Variants in TLN2 observed in about 807,000 individuals in gnomAD.
TLN2 encodes the protein talin 2, also known as talin-2.
A neutral mutation model predicts 294.7 loss-of-function variants in TLN2; 118 were observed. That is an observed-to-expected ratio of 0.40 (90% CI 0.34 to 0.47). The LOEUF (loss-of-function observed/expected upper bound fraction) is 0.47. Ranked by LOEUF, TLN2 falls within the 20% of genes least tolerant of loss-of-function variation. TLN2 has a pLI of 0.84. For missense variants in TLN2, 3,083 were observed against 3,282.2 expected (o/e 0.94, Z 1.48); for synonymous variants, 1,431 against 1,304.5 (o/e 1.10, Z -2.09).
At chr15:62,474,716 T>C (rs540589110) in intron 1 of TLN2, among the ~76,000 whole-genome samples, 100 of 152,324 alleles carry the variant, frequency 6.6e-4, no homozygotes, top group African/African-American at 2.3e-3. Context: ...TGTTGACGAT[T>C]CCTTGAAATA....
rs145889791 is a variant in TLN2, at chr15:62,446,281, C to T, written c.-238+55596C>T. Among the ~76,000 whole-genome samples, 976 of 152,308 alleles carry T rather than the reference C, an allele frequency of 6.4e-3. 6 individuals carry two copies. The highest frequency in any genetic ancestry group is 0.023 in the African/African-American group (943 of 41,570). ...GTGCTGGGATCACAGGTGCGAGCCA[C>T]CGCGCCCGGCTTAAGCTCTGTAGTC... On this transcript the variant is annotated intron_variant, in intron 1 of 58. Coordinates refer to ENST00000636159, the MANE Select transcript of TLN2 (RefSeq NM_015059.3).
At chr15:62,598,309 C>A (rs1218738979) in intron 2 of TLN2, among the ~76,000 whole-genome samples, 1 of 152,164 alleles carries the variant, frequency 6.6e-6, no homozygotes, top group African/African-American at 2.4e-5. Context: ...TGGGAAAAGA[C>A]TTCTCTGTCT....
chr15:62,752,274 T>C, intron 34 of TLN2, 31 bp from the exon 35 acceptor site: 1 of 1,612,766 alleles, frequency 6.2e-7, no homozygotes, highest in South Asian at 1.1e-5. Flanking sequence ...CAATGCTGGA[T>C]AGAGAATGTT....
chr15:62,786,509 TAAAAAA>T (rs1044770423), intron 45 of TLN2, among the ~76,000 whole-genome samples: 1 of 152,056 alleles, frequency 6.6e-6, no homozygotes, highest in African/African-American at 2.4e-5. Flanking sequence ...ATTTTCCCCT[TAAAAAA>T]AGAAGAAGAA....
chr15:62,781,324 G>T (rs2064147480), intron 44 of TLN2, 83 bp downstream of exon 44: 2 of 1,077,488 alleles, frequency 1.9e-6, no homozygotes, highest in African/African-American at 1.5e-5. Context: ...TCCCAGATCT[G>T]TGTCAGAGAG....
At chr15:62,486,131 G>A (rs2038377068) in intron 1 of TLN2, among the ~76,000 whole-genome samples, 1 of 152,124 alleles carries the variant, frequency 6.6e-6, no homozygotes, top group Admixed American at 6.6e-5. Flanking sequence ...CCATTTGAAA[G>A]TTGCACCATC....
intron 41 of TLN2, among the ~76,000 whole-genome samples, 184 bp downstream of exon 41, chr15:62,766,606 A>T (rs914051126): frequency 1.3e-5 from 2 of 152,214 alleles, no homozygotes; most frequent in Non-Finnish European, 2.9e-5. Context: ...AGAAATTATC[A>T]GTTCAGGATC....
At position 62,656,072 on chromosome 15, in the gene TLN2, T is replaced by C. The variant is rs1297999481; in HGVS notation, c.646T>C (p.Leu216=). The change falls in exon 8 of 59, where the codon TTG becomes CTG. Residue 216 remains leucine, a synonymous_variant. Coordinates refer to ENST00000636159, the MANE Select transcript of TLN2 (RefSeq NM_015059.3). The part of the protein sequence containing the change: ...VDSRDPVQLN[L]LYVQARDDIL... ...TTCGAGAGACCCCGTGCAGCTGAACTTGCTTTATGTTCAGGTACAGTATTT... is the reference window on the plus strand; with the variant it reads ...TTCGAGAGACCCCGTGCAGCTGAACCTGCTTTATGTTCAGGTACAGTATTT... 1.2e-6 allele frequency: 2 copies of C among 1,614,170 alleles called. No individual in the cohort carries two copies. The highest frequency in any genetic ancestry group is 3.3e-5 in the Admixed American group (2 of 60,016).
At chr15:62,656,133 A>G (rs546636169) in intron 8 of TLN2, 47 bp downstream of exon 8, 2 of 1,602,698 alleles carry the variant, frequency 1.2e-6, no homozygotes, top group East Asian at 2.2e-5. Flanking sequence ...GATTGCAGGA[A>G]GCTCCTGGCT....
intron 1 of TLN2, among the ~76,000 whole-genome samples, chr15:62,455,468 A>G (rs1369648607): frequency 2.0e-5 from 3 of 152,180 alleles, no homozygotes; most frequent in Non-Finnish European, 4.4e-5. Flanking sequence ...AGACTGGGGC[A>G]CCGCAATGTA....
chr15:62,660,282 G>C (rs1045334308), intron 9 of TLN2, among the ~76,000 whole-genome samples: 2 of 152,146 alleles, frequency 1.3e-5, no homozygotes, highest in African/African-American at 4.8e-5. Context: ...GTGATTTCTG[G>C]ATTTGTTACT....
chr15:62,753,832 G>C lies in TLN2; in HGVS notation c.4392G>C (p.Val1464=), dbSNP rs763108692. Residue 1464 remains valine, a synonymous_variant, in exon 36 of 59, where the codon GTG becomes GTC. Transcript: ENST00000636159. ...GCCAGGCAGGCCACCAGGGCCTGGTGGACCCCATCCAGTTTGCCAGGGCTA... is the reference window on the plus strand; with the variant it reads ...GCCAGGCAGGCCACCAGGGCCTGGTCGACCCCATCCAGTTTGCCAGGGCTA... The part of the protein sequence containing the change: ...PNSQAGHQGL[V]DPIQFARANQ... 1 of 1,612,774 alleles carries C rather than the reference G, an allele frequency of 6.2e-7. No individual in the cohort carries two copies. The highest frequency in any genetic ancestry group is 1.1e-5 in the South Asian group (1 of 90,682).
chr15:62,450,547 A>ATGTATG (rs1229690037), intron 1 of TLN2, among the ~76,000 whole-genome samples: 8 of 136,140 alleles, frequency 5.9e-5, no homozygotes, highest in African/African-American at 2.1e-4. Flanking sequence ...GTATGTATGT[A>ATGTATG]TGTGTGTGTG....
At chr15:62,749,853 G>C (rs941505901) in intron 33 of TLN2, among the ~76,000 whole-genome samples, 8 of 152,106 alleles carry the variant, frequency 5.3e-5, no homozygotes, top group African/African-American at 1.9e-4. Flanking sequence ...CTTTGATGAG[G>C]ACCTAAACAA....
chr15:62,655,395 C>T (rs1428425259), intron 7 of TLN2, among the ~76,000 whole-genome samples: 10 of 152,110 alleles, frequency 6.6e-5, no homozygotes, highest in East Asian at 1.9e-4. Context: ...GCCCATGGCA[C>T]GGTTCTGCCA....
rs546400627 is a variant in TLN2 at position 62,502,801 on chromosome 15, G to A, written c.-237-86886G>A. On this transcript the variant is annotated intron_variant, in intron 1 of 58. Transcript: ENST00000636159. ...AAGTGAGTGTGAGATAGAAAGGCCC[G>A]GTGATAGATGGTCTTGGGCTTCTCT... Among the ~76,000 whole-genome samples, 5 of 152,278 alleles carry A rather than the reference G, an allele frequency of 3.3e-5. No homozygotes were observed. In the South Asian group the frequency reaches 8.3e-4, roughly 25 times the overall value.
chr15:62,656,423 C>G (rs1347473590), intron 8 of TLN2, among the ~76,000 whole-genome samples: 2 of 152,192 alleles, frequency 1.3e-5, no homozygotes, highest in African/African-American at 4.8e-5. Flanking sequence ...TAGCTGGCAT[C>G]TTAGAATGCA....
chr15:62,766,547 C>T lies in TLN2; in HGVS notation c.5196+125C>T, dbSNP rs1349454431. ...AAGTATTGTGCCTGAGTCCAATGCT[C>T]GTTTAAGCTGCAGAAAATAACACTG... On this transcript the variant is annotated intron_variant, in intron 41 of 58. Transcript: ENST00000636159. The T allele has an allele frequency of 4.4e-5, 35 of 799,830 alleles. No homozygotes were observed. In the East Asian group the frequency reaches 6.9e-4, roughly 16 times the overall value. The allele number at this position is 799,830 out of a possible 1,614,324, so 49.5% of individuals were successfully genotyped here.
intron 1 of TLN2, among the ~76,000 whole-genome samples, chr15:62,483,218 G>A (rs1224399344): frequency 1.3e-5 from 2 of 152,158 alleles, no homozygotes; most frequent in African/African-American, 4.8e-5. Context: ...GCCCTTCTCT[G>A]TCATTCTGCA....
Sources: gnomAD v4.1 joint callset for allele counts (sites outside exome capture counted in the v4.1 genomes callset) on GRCh38, gnomAD v4.1.1 for gene constraint, MANE v1.5 for transcripts, NCBI Gene and HGNC (gene_info 2026-07-23, HGNC 2026-07-21) for gene names.